NVL: variants seen among roughly 807,000 people sequenced by gnomAD.
NVL encodes the protein nuclear VCP like, also known as nuclear valosin-containing protein-like.
Under a neutral mutation model 110.2 loss-of-function variants are expected in NVL, and 84 were observed. The observed-to-expected ratio is 0.76, with a 90% CI of 0.64 to 0.91. The LOEUF is 0.91. NVL is among the 40% of genes least tolerant of loss of function. NVL has a pLI of 0.00. For missense variants in NVL, 882 were observed against 1,035.9 expected (o/e 0.85, Z 2.04); for synonymous variants, 354 against 361.1 (o/e 0.98, Z 0.22).
intron 18 of NVL, among the ~76,000 whole-genome samples, chr1:224,254,825 C>A (rs1448290474): frequency 6.6e-6 from 1 of 150,530 alleles, no homozygotes; most frequent in Non-Finnish European, 1.5e-5. Flanking sequence ...CACTTAAAAT[C>A]TACTTTCTTG....
rs750469349 is a variant in NVL, at chr1:224,287,786, T to C, written c.1783A>G (p.Met595Val). The C allele has an allele frequency of 2.5e-6, 4 of 1,613,888 alleles. No homozygotes were observed. The highest frequency in any genetic ancestry group is 3.4e-6 in the Non-Finnish European group (4 of 1,179,886). The change falls in exon 14 of 23, where the codon ATG becomes GTG. Residue 595 changes from methionine to valine, a missense_variant. By Grantham distance (21) the Met-to-Val change is conservative. Around this residue, in one of 4 missense-constraint regions of NVL, gnomAD observed 416 missense variants for 499.3 expected, o/e 0.83. Coordinates refer to ENST00000281701, the MANE Select transcript of NVL (RefSeq NM_002533.4). ...ALEDIREELT[M>V]AILAPVRNPD... ...GCTGATATACCTACCAATATTGCCA[T>C]GGTGAGCTCCTCTCTAATGTCTTCC... is the stretch of plus-strand genomic sequence containing the variant.
Position 224,308,007 on chromosome 1 carries a change from G to A in NVL, c.599C>T (p.Pro200Leu). 1.3e-6 allele frequency: 2 copies of A among 1,530,370 alleles called. No individual in the cohort carries two copies. The highest frequency in any genetic ancestry group is 1.8e-6 in the Non-Finnish European group (2 of 1,142,464). The allele number at this position is 1,530,370 out of a possible 1,614,324, so 94.8% of individuals were successfully genotyped here. Residue 200 changes from proline to leucine, a missense_variant, in exon 6 of 23, where the codon CCA becomes CTA. By Grantham distance (98) the Pro-to-Leu change is moderately conservative. This residue lies in a region of NVL where 274 missense variants were observed against 268.4 expected (regional missense o/e 1.02). Coordinates refer to ENST00000281701, the MANE Select transcript of NVL (RefSeq NM_002533.4). ...LSCEKSNPKKPITEIQDSKDS... is the reference protein window; with the variant it reads ...LSCEKSNPKKLITEIQDSKDS... ...CAAAAATACCTGTATCTCAGTTATT[G>A]GCTTCTTAGGATTACTTTTCTCACA...
intron 15 of NVL, among the ~76,000 whole-genome samples, chr1:224,283,476 C>T (rs1666573640): frequency 6.6e-6 from 1 of 151,654 alleles, no homozygotes; most frequent in South Asian, 2.1e-4. Context: ...GACAGCAAGA[C>T]TCCATCTCAA....
intron 17 of NVL, among the ~76,000 whole-genome samples, chr1:224,270,571 A>C (rs1313442491): frequency 1.3e-5 from 2 of 152,152 alleles, no homozygotes; most frequent in Non-Finnish European, 1.5e-5. Context: ...AAAACAAACA[A>C]ACAAACAAAC....
At chr1:224,264,657 CA>C (rs533800534) in intron 18 of NVL, among the ~76,000 whole-genome samples, 1 of 152,128 alleles carries the variant, frequency 6.6e-6, no homozygotes, top group Non-Finnish European at 1.5e-5. Flanking sequence ...TATAAGCAAT[CA>C]AAACAATGTC....
Position 224,264,037 on chromosome 1 carries a change from A to AAACT in NVL, c.2182+3993_2182+3996dup, listed in dbSNP as rs545980952. On this transcript the variant is annotated intron_variant, in intron 18 of 22. Coordinates refer to ENST00000281701, the MANE Select transcript of NVL (RefSeq NM_002533.4). ...CTCAAAAACAAACAAACAAACAAAC[A>AAACT]AACTCCAAAAAGATTATAATTATTT... Among the ~76,000 whole-genome samples the AAACT allele has an allele frequency of 2.0e-3, 310 of 152,192 alleles. 2 individuals are homozygous for AAACT. The highest frequency in any genetic ancestry group is 6.8e-3 in the African/African-American group (282 of 41,536).
At chr1:224,284,082 T>C (rs183128135) in intron 15 of NVL, among the ~76,000 whole-genome samples, 1 of 152,262 alleles carries the variant, frequency 6.6e-6, no homozygotes, top group East Asian at 1.9e-4. Flanking sequence ...CTAAAAATGA[T>C]GGATAACATA....
intron 13 of NVL, 76 bp downstream of exon 13, chr1:224,289,408 T>C: frequency 6.8e-7 from 1 of 1,476,284 alleles, no homozygotes; most frequent in East Asian, 2.3e-5. Context: ...ACCTCAATTG[T>C]ATTGACCCTT....
chr1:224,283,935 A>T (rs1666619174), intron 15 of NVL, among the ~76,000 whole-genome samples: 2 of 152,214 alleles, frequency 1.3e-5, no homozygotes, highest in African/African-American at 4.8e-5. Flanking sequence ...AGCACTATGG[A>T]TATTTGATAT....
intron 15 of NVL, 108 bp from the exon 16 acceptor site, chr1:224,281,293 G>GTGTA: frequency 1.3e-6 from 1 of 758,580 alleles, no homozygotes; most frequent in Non-Finnish European, 2.2e-6. Flanking sequence ...GCGTGTGTGT[G>GTGTA]TGTGTGTGTG....
chr1:224,270,688 C>T (rs1187039065), intron 17 of NVL, among the ~76,000 whole-genome samples: 1 of 151,664 alleles, frequency 6.6e-6, no homozygotes, highest in African/African-American at 2.4e-5. Context: ...CATAGAGTAC[C>T]AATTAATGTA....
intron 5 of NVL, among the ~76,000 whole-genome samples, chr1:224,308,582 T>C (rs1469465158): frequency 6.6e-6 from 1 of 151,188 alleles, no homozygotes; most frequent in East Asian, 1.9e-4. Context: ...TCCCAGCTAC[T>C]TGGGAGGCTG....
intron 11 of NVL, among the ~76,000 whole-genome samples, chr1:224,295,907 G>C (rs537151531): frequency 6.7e-6 from 1 of 148,158 alleles, no homozygotes; most frequent in East Asian, 2.0e-4. Flanking sequence ...AGAGGTTGCA[G>C]CGAGTTGAGA....
intron 22 of NVL, among the ~76,000 whole-genome samples, chr1:224,229,246 C>T (rs1012884457): frequency 9.9e-5 from 15 of 151,318 alleles, no homozygotes; most frequent in East Asian, 1.9e-4. Flanking sequence ...TGGTGAGCTG[C>T]GATTGTGCCA....
At chr1:224,318,521 G>C (rs1323603478) in intron 2 of NVL, among the ~76,000 whole-genome samples, 2 of 152,110 alleles carry the variant, frequency 1.3e-5, no homozygotes, top group Non-Finnish European at 2.9e-5. Flanking sequence ...AGAACAGCTT[G>C]AGTCTGGGAG....
chr1:224,265,912 C>T (rs558630311), intron 18 of NVL, among the ~76,000 whole-genome samples: 2 of 152,318 alleles, frequency 1.3e-5, no homozygotes, highest in African/African-American at 4.8e-5. Flanking sequence ...GGATTACAGG[C>T]ATAAGCCACC....
chr1:224,232,566 C>T (rs949407209), intron 21 of NVL, among the ~76,000 whole-genome samples: 3 of 152,080 alleles, frequency 2.0e-5, no homozygotes, highest in East Asian at 1.9e-4. Context: ...TGGTTTGTTG[C>T]GCAGGCTGCT....
At chr1:224,245,750 T>A (rs1235324310) in intron 19 of NVL, among the ~76,000 whole-genome samples, 1 of 151,540 alleles carries the variant, frequency 6.6e-6, no homozygotes, top group Non-Finnish European at 1.5e-5. Context: ...GGTCAGGAGT[T>A]CCAGACCAGC....
chr1:224,236,786 CTG>C, intron 19 of NVL: 1 of 461,056 alleles, frequency 2.2e-6, no homozygotes, highest in South Asian at 2.1e-5. Context: ...TGGTATGCAC[CTG>C]TAGTCCCAGC....
Sources: gnomAD v4.1 joint callset for allele counts (sites outside exome capture counted in the v4.1 genomes callset) on GRCh38, gnomAD v4.1.1 for gene constraint, gnomAD v4.1.1 regional missense constraint, MANE v1.5 for transcripts, NCBI Gene and HGNC (gene_info 2026-07-23, HGNC 2026-07-21) for gene names.